The following C9orf153 variants were observed in gnomAD, a reference collection of about 807,000 sequenced individuals.
The protein encoded by C9orf153 is uncharacterized protein C9orf153.
Under a neutral mutation model 9.0 loss-of-function variants are expected in C9orf153, and 10 were observed. The observed-to-expected ratio is 1.11, with a 90% CI of 0.69 to 1.89. The LOEUF is 1.89. Ranked by LOEUF, C9orf153 falls within the 40% of genes most tolerant of loss-of-function variation. The pLI, the probability that C9orf153 is intolerant of heterozygous loss-of-function variation, is 0.00. For synonymous variants in C9orf153, 35 were observed against 37.3 expected (o/e 0.94, Z 0.23); for missense variants, 108 against 111.0 (o/e 0.97, Z 0.12).
intron 1 of C9orf153, among the ~76,000 whole-genome samples, chr9:86,253,961 T>G (rs1409401674): frequency 6.6e-6 from 1 of 151,890 alleles, no homozygotes; most frequent in Non-Finnish European, 1.5e-5. Flanking sequence ...CATGGTGGCA[T>G]GTGTCTGCAG....
intron 1 of C9orf153, among the ~76,000 whole-genome samples, chr9:86,246,820 C>T (rs1824874862): frequency 1.3e-5 from 2 of 152,172 alleles, no homozygotes; most frequent in South Asian, 4.1e-4. Flanking sequence ...GTTCTGTGGA[C>T]GTCACTGCCT....
chr9:86,241,897 A>G (rs1358000643), intron 1 of C9orf153, among the ~76,000 whole-genome samples: 2 of 152,210 alleles, frequency 1.3e-5, no homozygotes, highest in Non-Finnish European at 2.9e-5. Flanking sequence ...AAGTCCTGGG[A>G]TTACAGGCGT....
chr9:86,230,589 C>T (rs909571553), intron 1 of C9orf153, among the ~76,000 whole-genome samples: 1 of 152,216 alleles, frequency 6.6e-6, no homozygotes, highest in African/African-American at 2.4e-5. Context: ...GTGTGGGCCA[C>T]CACGCCCAGC....
At chr9:86,222,902 C>T (rs1824237991) in intron 3 of C9orf153, among the ~76,000 whole-genome samples, 1 of 152,158 alleles carries the variant, frequency 6.6e-6, no homozygotes, top group Non-Finnish European at 1.5e-5. Flanking sequence ...GGCACCACTC[C>T]ACTCCAATCA....
At chr9:86,224,376 C>CA (rs370307745) in intron 3 of C9orf153, among the ~76,000 whole-genome samples, 4,248 of 130,470 alleles carry the variant, frequency 0.033, 94 homozygotes, top group African/African-American at 0.061. Context: ...GACAGTGTCT[C>CA]AAAAAAAAAA....
rs551261233 is a variant in C9orf153, at chr9:86,221,466, A to G, written c.*222T>C. On this transcript the variant is annotated 3_prime_UTR_variant, in exon 4 of 4. Transcript: ENST00000339137. ...TATTAAATCAATGCTCTCAAAAGCA[A>G]AAATCTACGTCCAAAATATTTTAAT... 2.4e-6 allele frequency: 3 copies of G among 1,244,218 alleles called. No homozygotes were observed. Among genetic ancestry groups the G allele is most frequent in the Admixed American group, 3.9e-5 (1 of 25,422 alleles). 77.1% of individuals were successfully genotyped at this position (1,244,218 alleles called of 1,614,324 possible).
chr9:86,255,622 A>T, intron 1 of C9orf153, among the ~76,000 whole-genome samples: 1 of 151,944 alleles, frequency 6.6e-6, no homozygotes, highest in East Asian at 1.9e-4. Flanking sequence ...CTGATTTACC[A>T]CCATAACTTG....
At chr9:86,231,853 C>A (rs1180215411) in intron 1 of C9orf153, among the ~76,000 whole-genome samples, 2 of 152,142 alleles carry the variant, frequency 1.3e-5, no homozygotes, top group African/African-American at 2.4e-5. Context: ...ATGTGCTTTA[C>A]CTAAAACCTG....
chr9:86,250,018 G>A (rs991328101), intron 1 of C9orf153, among the ~76,000 whole-genome samples: 21 of 152,156 alleles, frequency 1.4e-4, no homozygotes, highest in African/African-American at 4.8e-4. Flanking sequence ...GGGGGCAAGG[G>A]TGATGGAGCC....
At chr9:86,248,847 T>A (rs942712884) in intron 1 of C9orf153, among the ~76,000 whole-genome samples, 1 of 152,126 alleles carries the variant, frequency 6.6e-6, no homozygotes, top group Non-Finnish European at 1.5e-5. Context: ...ACCTTCCCCA[T>A]CACCCCAGTT....
chr9:86,259,221 T>G (rs567387657), intron 1 of C9orf153, among the ~76,000 whole-genome samples: 5 of 152,000 alleles, frequency 3.3e-5, no homozygotes, highest in Admixed American at 6.6e-5. Context: ...CAAGCATCCA[T>G]GGGAACACAG....
At chr9:86,223,589 ACT>A (rs1219823599) in intron 3 of C9orf153, among the ~76,000 whole-genome samples, 1 of 152,122 alleles carries the variant, frequency 6.6e-6, no homozygotes, top group Non-Finnish European at 1.5e-5. Flanking sequence ...GGAGCTAAGA[ACT>A]CTTATTCACC....
chr9:86,256,115 C>A (rs572522968), intron 1 of C9orf153, among the ~76,000 whole-genome samples: 25 of 152,182 alleles, frequency 1.6e-4, no homozygotes, highest in Admixed American at 4.6e-4. Context: ...GATTCTGATG[C>A]GTGAAATATC....
At chr9:86,236,501 A>G (rs1030801726) in intron 1 of C9orf153, among the ~76,000 whole-genome samples, 4 of 149,926 alleles carry the variant, frequency 2.7e-5, no homozygotes, top group Admixed American at 6.7e-5. Flanking sequence ...GTGAGCCGAT[A>G]TCACGCCATT....
intron 1 of C9orf153, among the ~76,000 whole-genome samples, chr9:86,239,201 C>T (rs928362952): frequency 2.6e-5 from 4 of 151,002 alleles, no homozygotes; most frequent in Non-Finnish European, 5.9e-5. Context: ...GCGGAGGTTG[C>T]GGTAAGCTGA....
chr9:86,221,251 T>C lies in C9orf153; in HGVS notation c.*437A>G, dbSNP rs977364042. On this transcript the variant is annotated 3_prime_UTR_variant, in exon 4 of 4. Coordinates refer to ENST00000339137, the MANE Select transcript of C9orf153 (RefSeq NM_001276366.4). ...TGTTCTTCAGTTACACCTTTTCTTT[T>C]CATATGACCTATATTTGCTTTAGCC... 3 of 154,190 alleles carry C rather than the reference T, an allele frequency of 1.9e-5. No homozygotes were observed. The highest frequency in any genetic ancestry group is 7.2e-5 in the African/African-American group (3 of 41,552). 9.6% of individuals were successfully genotyped at this position (154,190 alleles called of 1,614,324 possible).
In C9orf153 at chr9:86,234,172, T is replaced by A. The variant is rs529627288; in HGVS notation, c.-26-4543A>T. ...ACTTTAGCCAGCTGGGCTCATTTTTTTCTGAAAAAATCTTCTGCGCTTCTG... is the reference window on the plus strand; with the variant it reads ...ACTTTAGCCAGCTGGGCTCATTTTTATCTGAAAAAATCTTCTGCGCTTCTG... On this transcript the variant is annotated intron_variant, in intron 1 of 3. Transcript: ENST00000339137. 1.5e-4 allele frequency among the ~76,000 whole-genome samples: 23 copies of A among 152,346 alleles called. No individual in the cohort carries two copies. The South Asian group carries it at 4.1e-3, about 27-fold the overall frequency.
intron 1 of C9orf153, among the ~76,000 whole-genome samples, chr9:86,253,843 G>GC (rs1272917252): frequency 2.0e-5 from 3 of 152,198 alleles, no homozygotes; most frequent in Non-Finnish European, 4.4e-5. Context: ...TGTAATCCCA[G>GC]CCCTTTGGGA....
chr9:86,250,576 C>T lies in C9orf153; in HGVS notation c.-27+8974G>A, dbSNP rs191490537. Among the ~76,000 whole-genome samples, 20 of 152,198 alleles carry T rather than the reference C, an allele frequency of 1.3e-4. 1 individual carries two copies. In the East Asian group the frequency reaches 1.7e-3, roughly 13 times the overall value. On this transcript the variant is annotated intron_variant, in intron 1 of 3. Transcript: ENST00000339137. ...GAACATACATGATTAACTCTGTAGCCGGGTTTATGATTCTTTACAATAATG... is the reference window on the plus strand; with the variant it reads ...GAACATACATGATTAACTCTGTAGCTGGGTTTATGATTCTTTACAATAATG...
Sources: gnomAD v4.1 joint callset for allele counts (sites outside exome capture counted in the v4.1 genomes callset) on GRCh38, gnomAD v4.1.1 for gene constraint, MANE v1.5 for transcripts, NCBI Gene and HGNC (gene_info 2026-07-23, HGNC 2026-07-21) for gene names.